The following THSD7A variants were observed in gnomAD, a reference collection of about 807,000 sequenced individuals.
THSD7A encodes thrombospondin type 1 domain containing 7A.
Under a neutral mutation model 231.3 loss-of-function variants are expected in THSD7A, and 96 were observed. The observed-to-expected ratio is 0.41, with a 90% CI of 0.35 to 0.49. The LOEUF (loss-of-function observed/expected upper bound fraction) is 0.49, where lower values mean the gene tolerates loss of function less well. Among genes scored for constraint, THSD7A ranks in the 20% least tolerant of loss-of-function variants. The probability of loss-of-function intolerance (pLI) is 0.05; values close to 1 mark genes in which losing one functional copy is unlikely to be tolerated. For synonymous variants in THSD7A, 940 were observed against 743.3 expected (o/e 1.26, Z -4.30); for missense variants, 2,290 against 2,070.2 (o/e 1.11, Z -2.06).
At chr7:11,812,706 C>T (rs1400869854) in intron 1 of THSD7A, among the ~76,000 whole-genome samples, 3 of 152,164 alleles carry the variant, frequency 2.0e-5, no homozygotes, top group African/African-American at 7.2e-5. Context: ...TTATTCTTCA[C>T]ATAACTGGAG....
intron 4 of THSD7A, among the ~76,000 whole-genome samples, chr7:11,555,571 A>G (rs140085971): frequency 6.6e-6 from 1 of 151,862 alleles, no homozygotes; most frequent in Non-Finnish European, 1.5e-5. Context: ...TCCCTTTTAG[A>G]TTTTATTGGT....
intron 2 of THSD7A, among the ~76,000 whole-genome samples, chr7:11,609,198 A>G (rs1285995132): frequency 6.6e-6 from 1 of 152,028 alleles, no homozygotes; most frequent in African/African-American, 2.4e-5. Flanking sequence ...TTCCTTCTGA[A>G]TTTCAGGGTT....
intron 1 of THSD7A, among the ~76,000 whole-genome samples, chr7:11,750,941 G>T (rs917446331): frequency 6.6e-6 from 1 of 151,888 alleles, no homozygotes; most frequent in Non-Finnish European, 1.5e-5. Context: ...TCAGTTAAGG[G>T]GTAAGACAAG....
chr7:11,417,255 G>A (rs1783992038), intron 17 of THSD7A, among the ~76,000 whole-genome samples, 195 bp downstream of exon 17: 1 of 152,112 alleles, frequency 6.6e-6, no homozygotes, highest in South Asian at 2.1e-4. Context: ...GTTCTAGTGT[G>A]AGAGGAAACA....
chr7:11,473,941 T>C (rs990833487), intron 8 of THSD7A, among the ~76,000 whole-genome samples: 2 of 152,084 alleles, frequency 1.3e-5, no homozygotes, highest in Admixed American at 6.6e-5. Context: ...CCAATTAAAC[T>C]AGATTGGGCA....
chr7:11,716,734 T>A (rs900294993), intron 1 of THSD7A, among the ~76,000 whole-genome samples: 1 of 151,632 alleles, frequency 6.6e-6, no homozygotes, highest in Non-Finnish European at 1.5e-5. Flanking sequence ...CTGGTTCCTG[T>A]TCCTCTATTT....
At chr7:11,752,041 A>G (rs1489415351) in intron 1 of THSD7A, among the ~76,000 whole-genome samples, 2 of 152,122 alleles carry the variant, frequency 1.3e-5, no homozygotes, top group African/African-American at 4.8e-5. Flanking sequence ...TTGCCCCAAG[A>G]TCTGTCCATC....
chr7:11,693,568 C>G (rs1780298442), intron 1 of THSD7A, among the ~76,000 whole-genome samples: 1 of 151,420 alleles, frequency 6.6e-6, no homozygotes, highest in African/African-American at 2.4e-5. Context: ...TTAGGGTTAA[C>G]CGTAAGTAGA....
rs546168175 is a variant in THSD7A at position 11,831,574 on chromosome 7, T to C, written c.190+183A>G. ...ACTCACTGTTGCCTCTTAGTTGTTATGCTTTTCTTTCCTAATTGCATCGGA... is the reference window on the plus strand; with the variant it reads ...ACTCACTGTTGCCTCTTAGTTGTTACGCTTTTCTTTCCTAATTGCATCGGA... On this transcript the variant is annotated intron_variant, in intron 1 of 27. Transcript: ENST00000423059. This position sits in a 1 kb window ranked among gnomAD's most constrained non-coding sequence, Gnocchi z 5.0. Among the ~76,000 whole-genome samples, 1 of 152,222 alleles carries C rather than the reference T, an allele frequency of 6.6e-6. No individual in the cohort carries two copies. The highest frequency in any genetic ancestry group is 1.5e-5 in the Non-Finnish European group (1 of 68,040).
At chr7:11,700,254 A>G (rs74882680) in intron 1 of THSD7A, among the ~76,000 whole-genome samples, 2,556 of 151,288 alleles carry the variant, frequency 0.017, 33 homozygotes, top group Non-Finnish European at 0.023. Context: ...AGGGGATAAA[A>G]GGAGGAAAAT....
At chr7:11,662,631 C>T (rs547057951) in intron 1 of THSD7A, among the ~76,000 whole-genome samples, 24 of 151,426 alleles carry the variant, frequency 1.6e-4, no homozygotes, top group Non-Finnish European at 3.0e-4. Flanking sequence ...CTTTTGAATG[C>T]GCATAAAACA....
At chr7:11,615,329 G>A (rs1386283262) in intron 2 of THSD7A, among the ~76,000 whole-genome samples, 1 of 152,178 alleles carries the variant, frequency 6.6e-6, no homozygotes, top group East Asian at 1.9e-4. Context: ...AACAGTCAGT[G>A]GTGAGCAGAG....
At chr7:11,812,677 T>C (rs1258045461) in intron 1 of THSD7A, among the ~76,000 whole-genome samples, 1 of 152,220 alleles carries the variant, frequency 6.6e-6, no homozygotes, top group Non-Finnish European at 1.5e-5. Context: ...CATATAATGC[T>C]AATTTAAGTC....
At chr7:11,672,858 C>T (rs147323127) in intron 1 of THSD7A, among the ~76,000 whole-genome samples, 37 of 152,126 alleles carry the variant, frequency 2.4e-4, no homozygotes, top group African/African-American at 8.2e-4. Flanking sequence ...AAAACAGACA[C>T]GTTTGACAAT....
intron 6 of THSD7A, among the ~76,000 whole-genome samples, chr7:11,501,120 A>C (rs1055860712): frequency 6.6e-6 from 1 of 152,128 alleles, no homozygotes; most frequent in Non-Finnish European, 1.5e-5. Flanking sequence ...GAACACCCAG[A>C]TTCATAAAGC....
Position 11,632,561 on chromosome 7 carries a change from C to A in THSD7A, c.1022+3569G>T, listed in dbSNP as rs1396677715. ...TTTTTACCACTTGCTTTCTAATTTT[C>A]ATTTCCTTCTCTTTTCAGGTACATT... On this transcript the variant is annotated intron_variant, in intron 2 of 27. Transcript: ENST00000423059. This position sits in a 1 kb window ranked among gnomAD's most constrained non-coding sequence, Gnocchi z 4.1. Among the ~76,000 whole-genome samples, 1 of 152,080 alleles carries A rather than the reference C, an allele frequency of 6.6e-6. No homozygotes were observed. The highest frequency in any genetic ancestry group is 1.5e-5 in the Non-Finnish European group (1 of 68,004).
At chr7:11,742,779 A>C (rs893531025) in intron 1 of THSD7A, among the ~76,000 whole-genome samples, 6 of 151,922 alleles carry the variant, frequency 3.9e-5, no homozygotes, top group African/African-American at 1.4e-4. Context: ...CAGATCAGAC[A>C]GAGGAAGCCA....
intron 1 of THSD7A, among the ~76,000 whole-genome samples, chr7:11,763,839 G>A (rs1006571877): frequency 6.6e-6 from 1 of 152,052 alleles, no homozygotes; most frequent in African/African-American, 2.4e-5. Context: ...ATTTAAAGGT[G>A]ATATGTTATA....
chr7:11,641,721 G>A (rs935196892), intron 1 of THSD7A, among the ~76,000 whole-genome samples: 1 of 151,480 alleles, frequency 6.6e-6, no homozygotes, highest in Non-Finnish European at 1.5e-5. Context: ...TGAAAGCAGA[G>A]GTGGAAGTAT....
Sources: allele counts gnomAD v4.1 joint callset (sites outside exome capture counted in the v4.1 genomes callset), GRCh38; gene constraint gnomAD v4.1.1; non-coding constraint Gnocchi (gnomAD v3.1); transcripts MANE v1.5; gene names NCBI Gene and HGNC (gene_info 2026-07-23, HGNC 2026-07-21).